Variants in SEL1L3 observed in about 807,000 individuals in gnomAD.
SEL1L3 encodes the protein protein sel-1 homolog 3.
Under a neutral mutation model 142.8 loss-of-function variants are expected in SEL1L3, and 76 were observed. The ratio of observed to expected loss-of-function variants is 0.53; its 90% CI spans 0.44 to 0.64. The LOEUF (loss-of-function observed/expected upper bound fraction) is 0.64. Among genes scored for constraint, SEL1L3 ranks in the 30% least tolerant of loss-of-function variants. The pLI is 0.00. For synonymous variants in SEL1L3, 504 were observed against 519.6 expected (o/e 0.97, Z 0.41); for missense variants, 1,262 against 1,381.7 (o/e 0.91, Z 1.37).
chr4:25,733,605 C>T, the SEL1L3 span, among the ~76,000 whole-genome samples: 1 of 148,770 alleles, frequency 6.7e-6, no homozygotes, highest in Admixed American at 6.8e-5. Context: ...ACTGCAACCT[C>T]TGCCTCCCAG....
intron 21 of SEL1L3, 62 bp from the exon 22 acceptor site, chr4:25,757,852 T>C: frequency 8.4e-7 from 1 of 1,194,188 alleles, no homozygotes; most frequent in Non-Finnish European, 1.2e-6. Context: ...GACTCAGGAC[T>C]GGCATTTTCA....
At chr4:25,851,472 A>G (rs1480022355) in intron 1 of SEL1L3, among the ~76,000 whole-genome samples, 1 of 152,170 alleles carries the variant, frequency 6.6e-6, no homozygotes, top group Non-Finnish European at 1.5e-5. Context: ...GCTTACACGG[A>G]TAAGAATGAG....
intron 1 of SEL1L3, among the ~76,000 whole-genome samples, chr4:25,860,856 C>T (rs1717656307): frequency 6.6e-6 from 1 of 152,346 alleles, no homozygotes; most frequent in Non-Finnish European, 1.5e-5. Flanking sequence ...CACTCCTTCA[C>T]TATCTCACTT....
chr4:25,842,963 G>A (rs57817571), intron 2 of SEL1L3, among the ~76,000 whole-genome samples: 1,763 of 152,312 alleles, frequency 0.012, 27 homozygotes, highest in African/African-American at 0.04. Context: ...TGGCATTGGA[G>A]CAGAGGGGTA....
chr4:25,853,261 T>A (rs936410532), intron 1 of SEL1L3, among the ~76,000 whole-genome samples: 5 of 152,070 alleles, frequency 3.3e-5, no homozygotes, highest in African/African-American at 1.2e-4. Context: ...AAAATAAAAA[T>A]AAGAAGGCAT....
At chr4:25,780,694 C>T (rs1719932662) in intron 15 of SEL1L3, among the ~76,000 whole-genome samples, 1 of 148,908 alleles carries the variant, frequency 6.7e-6, no homozygotes, top group South Asian at 2.1e-4. Context: ...TCCCAATCTC[C>T]ACCCCCTCAT....
At chr4:25,819,171 G>A (rs182833688) in intron 8 of SEL1L3, among the ~76,000 whole-genome samples, 10 of 152,318 alleles carry the variant, frequency 6.6e-5, no homozygotes, top group African/African-American at 2.2e-4. Flanking sequence ...ATCCAAGCTG[G>A]AACACTGGCG....
At chr4:25,862,378 T>G (rs1717778173) in intron 1 of SEL1L3, among the ~76,000 whole-genome samples, 6 of 147,360 alleles carry the variant, frequency 4.1e-5, no homozygotes, top group East Asian at 2.1e-4. Context: ...GGCTCCCGGG[T>G]GGAGTCGAGG....
intron 23 of SEL1L3, among the ~76,000 whole-genome samples, chr4:25,754,153 T>G (rs1270123683): frequency 1.3e-5 from 2 of 150,398 alleles, no homozygotes; most frequent in African/African-American, 4.9e-5. Flanking sequence ...AAACACAAAA[T>G]TAGCCAGGCG....
intron 2 of SEL1L3, 136 bp downstream of exon 2, chr4:25,847,158 G>T (rs1026487460): frequency 1.4e-6 from 1 of 697,270 alleles, no homozygotes; most frequent in Non-Finnish European, 2.4e-6. Flanking sequence ...AAACTCCAAA[G>T]TTACAGACTC....
chr4:25,835,137 T>C lies in SEL1L3; in HGVS notation c.860+60A>G, dbSNP rs10007181. 38,163 of 1,601,046 alleles carry C rather than the reference T, an allele frequency of 0.024. 7,401 individuals carry two copies. In the African/African-American group the frequency reaches 0.44, roughly 18 times the overall value. ...CTAAGGAATTCTTCCACTAGCCTGC[T>C]CTGGTCCTCAAATAAAACAAGCACC... is the stretch of plus-strand genomic sequence containing the variant. On this transcript the variant is annotated intron_variant, in intron 3 of 23. Coordinates refer to ENST00000399878, the MANE Select transcript of SEL1L3 (RefSeq NM_015187.5).
intron 1 of SEL1L3, among the ~76,000 whole-genome samples, chr4:25,851,108 C>T (rs1469529077): frequency 6.6e-6 from 1 of 152,198 alleles, no homozygotes. Context: ...ACTTCAGCCT[C>T]CCAAAGTGCT....
Position 25,748,018 on chromosome 4 carries a change from TG to T in SEL1L3, c.*406del, listed in dbSNP as rs1164250632. On this transcript the variant is annotated 3_prime_UTR_variant, in exon 24 of 24. Coordinates refer to ENST00000399878, the MANE Select transcript of SEL1L3 (RefSeq NM_015187.5). ...ACAGGTACCAAAATATTATCCACCTTGTAGAGTAGTCATAATTTTCTGTTCT... is the reference window on the plus strand; with the variant it reads ...ACAGGTACCAAAATATTATCCACCTTTAGAGTAGTCATAATTTTCTGTTCT... The T allele has an allele frequency of 6.1e-6, 1 of 164,884 alleles. No homozygotes were observed. Among genetic ancestry groups the T allele is most frequent in the Admixed American group, 5.9e-5 (1 of 16,966 alleles). 10.2% of individuals were successfully genotyped at this position (164,884 alleles called of 1,614,324 possible).
chr4:25,845,622 A>G (rs1228100001), intron 2 of SEL1L3, among the ~76,000 whole-genome samples: 1 of 152,216 alleles, frequency 6.6e-6, no homozygotes. Context: ...GTTTTGGGAC[A>G]GTACCAAGAA....
intron 6 of SEL1L3, among the ~76,000 whole-genome samples, chr4:25,826,982 C>G (rs762687474): frequency 6.6e-6 from 1 of 152,152 alleles, no homozygotes; most frequent in African/African-American, 2.4e-5. Flanking sequence ...GCCACTTTTA[C>G]TAAGAAATTG....
chr4:25,861,893 C>T (rs2109333455), intron 1 of SEL1L3: 1 of 152,272 alleles, frequency 6.6e-6, no homozygotes, highest in African/African-American at 2.4e-5. Context: ...GGGGTCTCAG[C>T]TACTCTGGTA....
chr4:25,765,236 C>T (rs1455529391), intron 20 of SEL1L3, 90 bp downstream of exon 20: 22 of 831,866 alleles, frequency 2.6e-5, no homozygotes, highest in Middle Eastern at 3.3e-4. Context: ...TCAAGTGACC[C>T]GCCCCCGTCG....
chr4:25,753,806 A>G (rs1717762431), intron 23 of SEL1L3, among the ~76,000 whole-genome samples: 1 of 152,102 alleles, frequency 6.6e-6, no homozygotes, highest in Non-Finnish European at 1.5e-5. Context: ...CAACATGGCG[A>G]AAGCCCATCT....
chr4:25,819,902 T>A lies in SEL1L3; in HGVS notation c.1329A>T (p.Gln443His). ...CACACCTTTCATAATATAACTTGAT[T>A]TGTTCAGCAAGTTGCTTCTCAAGGA... ...NPLLEKQLAE[Q>H]IKLYYERCAE... Residue 443 changes from glutamine (Q) to histidine (H), a missense_variant, in exon 8 of 24, where the codon CAA becomes CAT. Transcript: ENST00000399878. 1 of 1,612,660 alleles carries A rather than the reference T, an allele frequency of 6.2e-7. No individual in the cohort carries two copies. Among genetic ancestry groups the A allele is most frequent in the Non-Finnish European group, 8.5e-7 (1 of 1,179,214 alleles).
Sources: gnomAD v4.1 joint callset for allele counts (sites outside exome capture counted in the v4.1 genomes callset) on GRCh38, gnomAD v4.1.1 for gene constraint, MANE v1.5 for transcripts, NCBI Gene and HGNC (gene_info 2026-07-23, HGNC 2026-07-21) for gene names.